Variants in EVC2 observed in about 807,000 individuals in gnomAD.
EVC2 encodes limbin.
EVC2 carries 148 observed loss-of-function variants against 149.3 expected under a neutral mutation model. The observed-to-expected ratio is 0.99, with a 90% CI of 0.87 to 1.14. The LOEUF (loss-of-function observed/expected upper bound fraction) is 1.14. Ranked by LOEUF, EVC2 falls within the 50% of genes most tolerant of loss-of-function variation. The pLI is 0.00. For synonymous variants in EVC2, 776 were observed against 649.9 expected (o/e 1.19, Z -2.95); for missense variants, 1,854 against 1,627.3 (o/e 1.14, Z -2.40).
At chr4:5,651,489 T>C (rs4689270) in intron 9 of EVC2, among the ~76,000 whole-genome samples, 5 of 151,824 alleles carry the variant, frequency 3.3e-5, no homozygotes, top group Admixed American at 3.3e-4. Flanking sequence ...AATGGGTGGG[T>C]GGGTAGATGG....
At chr4:5,632,670 G>A (rs1716634579) in intron 10 of EVC2, among the ~76,000 whole-genome samples, 1 of 152,172 alleles carries the variant, frequency 6.6e-6, no homozygotes, top group South Asian at 2.1e-4. Flanking sequence ...TGGGTAAAGA[G>A]AAGCAAAAGA....
chr4:5,650,668 GA>G (rs1718069004), intron 9 of EVC2, among the ~76,000 whole-genome samples: 33 of 141,452 alleles, frequency 2.3e-4, no homozygotes, highest in African/African-American at 8.2e-4. Context: ...GAGAGAGAGA[GA>G]GAGCCATTTA....
intron 2 of EVC2, among the ~76,000 whole-genome samples, chr4:5,695,157 G>C (rs1721389093): frequency 6.6e-6 from 1 of 152,006 alleles, no homozygotes; most frequent in African/African-American, 2.4e-5. Context: ...AGACTATCCT[G>C]GCCAACATGG....
intron 16 of EVC2, among the ~76,000 whole-genome samples, chr4:5,603,796 G>A (rs144006328): frequency 2.5e-4 from 38 of 152,276 alleles, no homozygotes; most frequent in Middle Eastern, 3.4e-3. Flanking sequence ...CAGAAATAAC[G>A]GGTGAAGAGG....
chr4:5,535,308 A>T, the EVC2 span, among the ~76,000 whole-genome samples: 3 of 152,146 alleles, frequency 2.0e-5, no homozygotes, highest in Admixed American at 2.0e-4. The surrounding 1 kb of genome is among the most constrained non-coding windows in gnomAD (Gnocchi z 4.7). Flanking sequence ...TGGATGTGTC[A>T]ATGTGCTTGC....
At chr4:5,655,918 G>C (rs1029577283) in intron 9 of EVC2, among the ~76,000 whole-genome samples, 1 of 152,116 alleles carries the variant, frequency 6.6e-6, no homozygotes, top group African/African-American at 2.4e-5. Flanking sequence ...TCTCACAACA[G>C]GTCATGAAGT....
intron 10 of EVC2, among the ~76,000 whole-genome samples, chr4:5,634,536 T>A (rs1716764273): frequency 6.6e-6 from 1 of 152,124 alleles, no homozygotes; most frequent in Non-Finnish European, 1.5e-5. Flanking sequence ...CACACACAAA[T>A]CCTAAAATAA....
At chr4:5,615,738 C>T (rs993319460) in intron 15 of EVC2, among the ~76,000 whole-genome samples, 194 bp from the exon 16 acceptor site, 3 of 152,200 alleles carry the variant, frequency 2.0e-5, no homozygotes. Flanking sequence ...TTGATCTTCA[C>T]ACAATCTGGT....
chr4:5,598,288 T>C (rs1216938622), intron 16 of EVC2, among the ~76,000 whole-genome samples: 1 of 151,920 alleles, frequency 6.6e-6, no homozygotes, highest in Non-Finnish European at 1.5e-5. Flanking sequence ...AGAACAAAGC[T>C]GGAGGCATCA....
chr4:5,558,094 G>A (rs1455292009), downstream of EVC2, among the ~76,000 whole-genome samples: 1 of 152,106 alleles, frequency 6.6e-6, no homozygotes, highest in East Asian at 1.9e-4. Flanking sequence ...AATGCCAAAA[G>A]ATCTACAGAG....
chr4:5,704,954 C>T (rs185651872), intron 1 of EVC2, among the ~76,000 whole-genome samples: 5 of 152,202 alleles, frequency 3.3e-5, no homozygotes, highest in African/African-American at 1.2e-4. Context: ...AAGCGATCCT[C>T]CTGACTTAGC....
At position 5,689,066 on chromosome 4, in the gene EVC2, A is replaced by C; in HGVS notation, c.706+91T>G. ...GGAGAGTGAACATGTGTAAGGCTTTAAGAACATGCCTGACCCAGAACACAT... is the reference window on the plus strand; with the variant it reads ...GGAGAGTGAACATGTGTAAGGCTTTCAGAACATGCCTGACCCAGAACACAT... On this transcript the variant is annotated intron_variant, in intron 5 of 21. Coordinates refer to ENST00000344408, the MANE Select transcript of EVC2 (RefSeq NM_147127.5). 2.8e-6 allele frequency: 4 copies of C among 1,423,224 alleles called. No individual in the cohort carries two copies. In the South Asian group the frequency reaches 4.7e-5, roughly 17 times the overall value. 88.2% of individuals were successfully genotyped at this position (1,423,224 alleles called of 1,614,324 possible). A position where few individuals can be genotyped will look rare whatever the true frequency, so the allele number is the denominator to read the frequency against.
chr4:5,686,151 G>A lies in EVC2; in HGVS notation c.707-672C>T, dbSNP rs566792784. On this transcript the variant is annotated intron_variant, in intron 5 of 21. Coordinates refer to ENST00000344408, the MANE Select transcript of EVC2 (RefSeq NM_147127.5). This position sits in a 1 kb window ranked among gnomAD's most constrained non-coding sequence, Gnocchi z 5.4. ...ACAGAGTAAAGAAAAGAGGAGGAAC[G>A]CTCACTTAGCCTAAGGAATCACTGG... is the stretch of plus-strand genomic sequence containing the variant. 1.4e-4 allele frequency among the ~76,000 whole-genome samples: 19 copies of A among 140,380 alleles called. No individual in the cohort carries two copies. The highest frequency in any genetic ancestry group is 6.9e-4 in the Admixed American group (10 of 14,450). The allele number at this position is 140,380 out of a possible 152,430, so 92.1% of individuals were successfully genotyped here. A position where few individuals can be genotyped will look rare whatever the true frequency, so the allele number is the denominator to read the frequency against.
chr4:5,678,805 C>T (rs921588629), intron 7 of EVC2, among the ~76,000 whole-genome samples: 4 of 151,924 alleles, frequency 2.6e-5, no homozygotes, highest in South Asian at 4.2e-4. Context: ...CCGAGGTGGC[C>T]GGATCACTTG....
intron 10 of EVC2, 71 bp from the exon 11 acceptor site, chr4:5,632,103 A>ATGTGTACAGGCACATGTACACATTG: frequency 6.3e-7 from 1 of 1,589,528 alleles, no homozygotes; most frequent in Non-Finnish European, 8.6e-7. Context: ...ATGCAATGCA[A>ATGTGTACAGGCACATGTACACATTG]TGTGTACAGG....
intron 20 of EVC2, among the ~76,000 whole-genome samples, chr4:5,566,565 T>C (rs768543158): frequency 1.3e-5 from 2 of 152,194 alleles, no homozygotes; most frequent in Admixed American, 6.5e-5. Context: ...ACTGATGTAA[T>C]GGCCGGATGC....
intron 9 of EVC2, among the ~76,000 whole-genome samples, chr4:5,658,921 T>C (rs1285738943): frequency 6.6e-6 from 1 of 152,176 alleles, no homozygotes; most frequent in Non-Finnish European, 1.5e-5. Flanking sequence ...CAGCCAGTCC[T>C]GCCCAGTTCC....
rs901006950 is a variant in EVC2 at position 5,657,984 on chromosome 4, C to T, written c.1145+5123G>A. 1.9e-4 allele frequency among the ~76,000 whole-genome samples: 29 copies of T among 152,148 alleles called. No homozygotes were observed. The highest frequency in any genetic ancestry group is 5.8e-4 in the African/African-American group (24 of 41,434). ...CACTCCAAAACGCTCATCGCCAGCT[C>T]TCAGCTTAACAAGCCTCCATTAGAA... On this transcript the variant is annotated intron_variant, in intron 9 of 21. Transcript: ENST00000344408. This position sits in a 1 kb window ranked among gnomAD's most constrained non-coding sequence, Gnocchi z 4.7.
intron 20 of EVC2, 101 bp downstream of exon 20, chr4:5,568,343 A>C: frequency 8.2e-7 from 1 of 1,214,094 alleles, no homozygotes; most frequent in Non-Finnish European, 1.1e-6. Context: ...AAAATTAAAA[A>C]GTATGGACAA....
Sources: gnomAD v4.1 joint callset for allele counts (sites outside exome capture counted in the v4.1 genomes callset) on GRCh38, gnomAD v4.1.1 for gene constraint, Gnocchi (gnomAD v3.1) non-coding constraint, MANE v1.5 for transcripts, NCBI Gene and HGNC (gene_info 2026-07-23, HGNC 2026-07-21) for gene names.